PCDH15: variants seen among roughly 807,000 people sequenced by gnomAD.
PCDH15 encodes the protein protocadherin related 15.
Under a neutral mutation model 178.5 loss-of-function variants are expected in PCDH15, and 129 were observed. The observed-to-expected ratio is 0.72, with a 90% confidence interval of 0.63 to 0.84. The LOEUF (loss-of-function observed/expected upper bound fraction) is 0.84. PCDH15 is among the 40% of genes least tolerant of loss of function. The pLI, the probability that PCDH15 is intolerant of heterozygous loss-of-function variation, is 0.00. For synonymous variants in PCDH15, 800 were observed against 732.0 expected (o/e 1.09, Z -1.50); for missense variants, 2,230 against 2,099.9 (o/e 1.06, Z -1.21).
chr10:55,163,987 C>A (rs891959134), intron 2 of PCDH15, among the ~76,000 whole-genome samples: 1 of 152,124 alleles, frequency 6.6e-6, no homozygotes, highest in African/African-American at 2.4e-5. Context: ...TAAATCAATT[C>A]TTGTACAAGG....
chr10:53,868,448 A>C (rs1166296669), intron 26 of PCDH15, among the ~76,000 whole-genome samples: 1 of 152,120 alleles, frequency 6.6e-6, no homozygotes, highest in Non-Finnish European at 1.5e-5. Flanking sequence ...TATTCAATAA[A>C]ATTTTCTGAA....
intron 2 of PCDH15, among the ~76,000 whole-genome samples, chr10:55,365,524 A>C (rs1298110083): frequency 1.3e-5 from 2 of 152,010 alleles, no homozygotes; most frequent in Non-Finnish European, 2.9e-5. Context: ...GTGTGTTCAC[A>C]CCCAAATCTC....
intron 2 of PCDH15, among the ~76,000 whole-genome samples, chr10:54,904,933 A>C (rs1293626682): frequency 7.3e-6 from 1 of 136,402 alleles, no homozygotes; most frequent in East Asian, 2.4e-4. Flanking sequence ...TTAAAATTAT[A>C]TTTTTAAATT....
intron 3 of PCDH15, among the ~76,000 whole-genome samples, chr10:54,843,322 A>G (rs1464345896): frequency 1.3e-5 from 2 of 151,960 alleles, no homozygotes; most frequent in Non-Finnish European, 2.9e-5. Flanking sequence ...TTAATATGTA[A>G]GCTTAACAAT....
chr10:55,236,974 T>C (rs1409866561), intron 1 of PCDH15, among the ~76,000 whole-genome samples: 1 of 151,452 alleles, frequency 6.6e-6, no homozygotes, highest in African/African-American at 2.4e-5. Flanking sequence ...TACGCATCAC[T>C]GGATCTTATT....
chr10:55,526,912 G>A (rs1475527487), intron 2 of PCDH15, among the ~76,000 whole-genome samples: 1 of 151,982 alleles, frequency 6.6e-6, no homozygotes, highest in East Asian at 1.9e-4. Flanking sequence ...TATATTTATA[G>A]GCAACGTCAT....
intron 2 of PCDH15, among the ~76,000 whole-genome samples, chr10:54,639,752 C>T (rs527560309): frequency 6.6e-6 from 1 of 152,178 alleles, no homozygotes; most frequent in African/African-American, 2.4e-5. Context: ...CCAAAAGAAA[C>T]ATGATTAATG....
intron 2 of PCDH15, among the ~76,000 whole-genome samples, chr10:55,411,521 A>C (rs1352616179): frequency 6.6e-6 from 1 of 152,108 alleles, no homozygotes; most frequent in Admixed American, 6.6e-5. Flanking sequence ...CTGCCCCTAA[A>C]CTACTATTTG....
chr10:54,116,407 A>G (rs1242142900), intron 15 of PCDH15, among the ~76,000 whole-genome samples: 1 of 152,188 alleles, frequency 6.6e-6, no homozygotes, highest in Non-Finnish European at 1.5e-5. Flanking sequence ...AAATGGATAA[A>G]TTGCTAGAAG....
rs1221615741 is a variant in PCDH15, at chr10:55,240,152, T to C, written c.-155-73501A>G. 2.6e-5 allele frequency among the ~76,000 whole-genome samples: 4 copies of C among 152,160 alleles called. 1 individual carries two copies. In the South Asian group the frequency reaches 6.2e-4, roughly 24 times the overall value. ...CAAAAAACTAAAAATAGAACTACCA[T>C]ATGATCCAGAAATCTTACTACTGCA... is the stretch of plus-strand genomic sequence containing the variant. On this transcript the variant is annotated intron_variant, in intron 1 of 5. Transcript: ENST00000458638.
chr10:54,417,615 C>A (rs1619477), intron 3 of PCDH15, among the ~76,000 whole-genome samples: 31,244 of 151,826 alleles, frequency 0.21, 3,989 homozygotes, highest in African/African-American at 0.36. Flanking sequence ...TTATTTCACC[C>A]GATTATTAAT....
At chr10:54,788,863 A>G (rs1392142500) in intron 1 of PCDH15, among the ~76,000 whole-genome samples, 2 of 151,790 alleles carry the variant, frequency 1.3e-5, no homozygotes, top group Non-Finnish European at 2.9e-5. Context: ...AATTGCATTA[A>G]TAATTCACTC....
At chr10:53,971,894 C>A (rs964834059) in intron 21 of PCDH15, among the ~76,000 whole-genome samples, 3 of 152,166 alleles carry the variant, frequency 2.0e-5, no homozygotes, top group African/African-American at 7.2e-5. Flanking sequence ...ATGCCATCCC[C>A]ATCAAGCTAC....
intron 2 of PCDH15, among the ~76,000 whole-genome samples, chr10:54,658,108 A>G (rs1020984605): frequency 2.6e-5 from 4 of 152,126 alleles, no homozygotes; most frequent in African/African-American, 9.7e-5. Context: ...AATTTTTAAA[A>G]ATGAACAAAT....
intron 2 of PCDH15, among the ~76,000 whole-genome samples, chr10:55,410,418 G>T (rs1284433559): frequency 2.6e-5 from 4 of 151,990 alleles, no homozygotes; most frequent in Non-Finnish European, 4.4e-5. Flanking sequence ...ATATCATACT[G>T]GATTTCACTC....
chr10:54,342,257 TGA>T (rs1268372004), intron 6 of PCDH15, among the ~76,000 whole-genome samples: 1 of 152,162 alleles, frequency 6.6e-6, no homozygotes, highest in East Asian at 1.9e-4. Flanking sequence ...AATGGTTTTC[TGA>T]GCTGGGACCA....
chr10:55,536,207 G>C (rs750057017), intron 2 of PCDH15, among the ~76,000 whole-genome samples: 3 of 152,038 alleles, frequency 2.0e-5, no homozygotes, highest in Non-Finnish European at 2.9e-5. Context: ...ATATGAAACT[G>C]ATATGTGCCA....
intron 2 of PCDH15, among the ~76,000 whole-genome samples, chr10:54,584,858 C>T (rs896322002): frequency 6.6e-6 from 1 of 152,000 alleles, no homozygotes; most frequent in Non-Finnish European, 1.5e-5. Flanking sequence ...CAATGATAGT[C>T]TAGTCATATA....
intron 8 of PCDH15, among the ~76,000 whole-genome samples, chr10:54,267,568 C>A (rs1208714812): frequency 2.0e-5 from 3 of 151,796 alleles, no homozygotes; most frequent in Non-Finnish European, 4.4e-5. Flanking sequence ...TTAAAAATTT[C>A]AGTAAAGTTT....
Sources: gnomAD v4.1 joint callset for allele counts (sites outside exome capture counted in the v4.1 genomes callset) on GRCh38, gnomAD v4.1.1 for gene constraint, MANE v1.5 for transcripts, NCBI Gene and HGNC (gene_info 2026-07-23, HGNC 2026-07-21) for gene names.